The following ATP8A1 variants were observed in gnomAD, a reference collection of about 807,000 sequenced individuals.
ATP8A1 encodes the protein phospholipid-transporting ATPase IA.
In ATP8A1, 90 loss-of-function variants were observed where a neutral mutation model predicts 177.7. The observed-to-expected ratio is 0.51, with a 90% CI of 0.43 to 0.60. ATP8A1 has a LOEUF of 0.60. ATP8A1 is among the 20% of genes least tolerant of loss of function. The pLI is 0.00. For missense variants in ATP8A1, 1,072 were observed against 1,392.8 expected (o/e 0.77, Z 3.67); for synonymous variants, 493 against 485.9 (o/e 1.01, Z -0.19).
At chr4:42,435,444 A>AC (rs1715839211) in intron 33 of ATP8A1, among the ~76,000 whole-genome samples, 1 of 55,878 alleles carries the variant, frequency 1.8e-5, no homozygotes, top group Non-Finnish European at 3.7e-5. Context: ...AAAAAAAAAA[A>AC]AAAAACAAAA....
intron 4 of ATP8A1, among the ~76,000 whole-genome samples, chr4:42,623,734 T>C (rs557498692): frequency 6.6e-6 from 1 of 152,030 alleles, no homozygotes; most frequent in African/African-American, 2.4e-5. Context: ...TCAGGAAAAA[T>C]AACTAAAAGT....
chr4:42,471,897 G>A, intron 25 of ATP8A1: 1 of 636,982 alleles, frequency 1.6e-6, no homozygotes, highest in East Asian at 3.3e-5. Context: ...CTCTTCTGGA[G>A]CTGGAGATAA....
At chr4:42,424,307 A>C (rs1273220186) in intron 33 of ATP8A1, among the ~76,000 whole-genome samples, 1 of 152,080 alleles carries the variant, frequency 6.6e-6, no homozygotes, top group Non-Finnish European at 1.5e-5. Flanking sequence ...AAAAAGTAAT[A>C]AATTCTATTA....
At chr4:42,425,126 T>G (rs184568547) in intron 33 of ATP8A1, among the ~76,000 whole-genome samples, 1 of 152,272 alleles carries the variant, frequency 6.6e-6, no homozygotes, top group Admixed American at 6.5e-5. Context: ...AAAACCAATT[T>G]CTTTCTCCTT....
intron 33 of ATP8A1, among the ~76,000 whole-genome samples, chr4:42,442,105 T>C (rs145052764): frequency 2.8e-4 from 42 of 152,292 alleles, no homozygotes; most frequent in African/African-American, 9.9e-4. Context: ...AAGTAGGTGG[T>C]CAAAACCTCA....
chr4:42,586,537 G>A, intron 8 of ATP8A1, 61 bp from the exon 9 acceptor site: 1 of 1,505,868 alleles, frequency 6.6e-7, no homozygotes, highest in Non-Finnish European at 9.1e-7. Context: ...GGGCAAAGAG[G>A]AGGAATTTTG....
At chr4:42,564,401 G>A (rs1033369994) in intron 15 of ATP8A1, among the ~76,000 whole-genome samples, 5 of 152,154 alleles carry the variant, frequency 3.3e-5, no homozygotes, top group Admixed American at 2.0e-4. Flanking sequence ...AAAGCAGCCA[G>A]GAGGGAGGCT....
chr4:42,481,612 A>T (rs1463268779), intron 25 of ATP8A1, among the ~76,000 whole-genome samples: 1 of 152,238 alleles, frequency 6.6e-6, no homozygotes, highest in Non-Finnish European at 1.5e-5. Flanking sequence ...TATTTAGTAC[A>T]GTTACTCCCT....
Position 42,443,684 on chromosome 4 carries a change from G to C in ATP8A1, c.3016-12C>G. 1 of 1,251,122 alleles carries C rather than the reference G, an allele frequency of 8.0e-7. No individual in the cohort carries two copies. The highest frequency in any genetic ancestry group is 1.2e-6 in the Non-Finnish European group (1 of 851,102). 77.5% of individuals were successfully genotyped at this position (1,251,122 alleles called of 1,614,324 possible). On this transcript the variant is annotated splice_polypyrimidine_tract_variant and intron_variant, in intron 32 of 36. Coordinates refer to ENST00000381668, the MANE Select transcript of ATP8A1 (RefSeq NM_006095.2). ...GCTATGTGGCTGAACTGTAGAGCAA[G>C]GAAATCTGAGTCAAAAAAGTTTTAT...
intron 33 of ATP8A1, among the ~76,000 whole-genome samples, chr4:42,431,328 G>A (rs1486076567): frequency 6.6e-6 from 1 of 152,130 alleles, no homozygotes; most frequent in East Asian, 1.9e-4. Flanking sequence ...CAATCAAGAG[G>A]AGAAGGTGTA....
intron 15 of ATP8A1, among the ~76,000 whole-genome samples, chr4:42,564,993 A>G (rs1731212684): frequency 6.6e-6 from 1 of 152,060 alleles, no homozygotes; most frequent in African/African-American, 2.4e-5. Context: ...TGGTTATTAT[A>G]AGGGGGAGTT....
intron 27 of ATP8A1, among the ~76,000 whole-genome samples, chr4:42,463,711 G>A (rs1388746565): frequency 6.6e-6 from 1 of 152,142 alleles, no homozygotes. Flanking sequence ...TTTTTAAAAT[G>A]ATGTTATGTT....
chr4:42,642,330 G>C lies in ATP8A1; in HGVS notation c.49+14495C>G, dbSNP rs1419543923. ...GACTCTGAGAATGGGTGTGGCTCTG[G>C]GATGGCTCATCTACCACAAGCACTG... is the stretch of plus-strand genomic sequence containing the variant. On this transcript the variant is annotated intron_variant, in intron 1 of 36. Coordinates refer to ENST00000381668, the MANE Select transcript of ATP8A1 (RefSeq NM_006095.2). 2.6e-5 allele frequency among the ~76,000 whole-genome samples: 4 copies of C among 152,152 alleles called. No individual in the cohort carries two copies. The East Asian group carries it at 7.7e-4, about 29-fold the overall frequency.
intron 15 of ATP8A1, among the ~76,000 whole-genome samples, chr4:42,567,100 T>C (rs1473534316): frequency 6.6e-6 from 1 of 152,252 alleles, no homozygotes; most frequent in Non-Finnish European, 1.5e-5. Context: ...CTGAACTTGG[T>C]TGCTTAGTAT....
At chr4:42,647,878 G>C (rs559461340) in intron 1 of ATP8A1, among the ~76,000 whole-genome samples, 1 of 152,282 alleles carries the variant, frequency 6.6e-6, no homozygotes, top group African/African-American at 2.4e-5. Context: ...TCAGCAGATA[G>C]AAATGAACCA....
At chr4:42,425,399 C>T (rs931875174) in intron 33 of ATP8A1, among the ~76,000 whole-genome samples, 4 of 152,216 alleles carry the variant, frequency 2.6e-5, no homozygotes, top group Non-Finnish European at 2.9e-5. Context: ...CAGCCTTTGG[C>T]ATTACAAATG....
intron 19 of ATP8A1, among the ~76,000 whole-genome samples, chr4:42,544,399 C>G (rs1344045743): frequency 6.6e-6 from 1 of 152,118 alleles, no homozygotes. Context: ...ATACAAATGA[C>G]AATCAGTGAC....
At chr4:42,522,657 C>T (rs955913502) in intron 21 of ATP8A1, among the ~76,000 whole-genome samples, 1 of 152,136 alleles carries the variant, frequency 6.6e-6, no homozygotes, top group Non-Finnish European at 1.5e-5. Flanking sequence ...TCATCAGGTG[C>T]CTTCACTCTC....
intron 33 of ATP8A1, among the ~76,000 whole-genome samples, chr4:42,432,702 C>T (rs1715447889): frequency 6.6e-6 from 1 of 152,134 alleles, no homozygotes; most frequent in Non-Finnish European, 1.5e-5. Context: ...TTCATATGAA[C>T]CTTGGCATGA....
Sources: gnomAD v4.1 joint callset for allele counts (sites outside exome capture counted in the v4.1 genomes callset) on GRCh38, gnomAD v4.1.1 for gene constraint, MANE v1.5 for transcripts, NCBI Gene and HGNC (gene_info 2026-07-23, HGNC 2026-07-21) for gene names.